The following MBNL2 variants were observed in gnomAD, a reference collection of about 807,000 sequenced individuals.
MBNL2 encodes muscleblind like splicing regulator 2.
MBNL2 carries 17 observed loss-of-function variants against 41.9 expected under a neutral mutation model. The observed-to-expected ratio is 0.41, with a 90% CI of 0.28 to 0.61. The LOEUF is 0.61. MBNL2 is among the 20% of genes least tolerant of loss of function. The pLI is 0.35. For missense variants in MBNL2, 336 were observed against 505.6 expected (o/e 0.66, Z 3.22); for synonymous variants, 195 against 182.9 (o/e 1.07, Z -0.53).
chr13:97,315,894 C>T (rs749848037), intron 2 of MBNL2, among the ~76,000 whole-genome samples: 4 of 152,140 alleles, frequency 2.6e-5, no homozygotes, highest in Non-Finnish European at 2.9e-5. Context: ...CAGTTGGATG[C>T]GATTCAGGAA....
At chr13:97,239,431 T>G (rs2043867488) in intron 1 of MBNL2, among the ~76,000 whole-genome samples, 1 of 152,230 alleles carries the variant, frequency 6.6e-6, no homozygotes, top group Non-Finnish European at 1.5e-5. Context: ...GAGGCAGGCA[T>G]TTCTCTAGAT....
At chr13:97,342,966 A>T (rs748369270) in intron 3 of MBNL2, 50 bp from the exon 4 acceptor site, 3 of 1,209,768 alleles carry the variant, frequency 2.5e-6, no homozygotes, top group South Asian at 1.2e-5. Context: ...GTAATTTTTT[A>T]AAGTTTTATT....
At chr13:97,373,408 GAGAGT>G (rs1187415862) in intron 8 of MBNL2, among the ~76,000 whole-genome samples, 3 of 151,804 alleles carry the variant, frequency 2.0e-5, no homozygotes, top group Non-Finnish European at 4.4e-5. Flanking sequence ...GAGAGAGAGA[GAGAGT>G]AGAGAGAGAG....
intron 8 of MBNL2, among the ~76,000 whole-genome samples, chr13:97,370,522 A>G (rs2064260468): frequency 6.6e-6 from 1 of 152,050 alleles, no homozygotes; most frequent in African/African-American, 2.4e-5. Context: ...ATACAAAATT[A>G]GCCAGGCATG....
At chr13:97,174,289 T>A in the MBNL2 span, among the ~76,000 whole-genome samples, 1 of 152,224 alleles carries the variant, frequency 6.6e-6, no homozygotes, top group African/African-American at 2.4e-5. Flanking sequence ...TTTCAGTACC[T>A]GATTTCTTCT....
In MBNL2 at chr13:97,366,382, C is replaced by A; in HGVS notation, c.1048+1211C>A. 1.4e-6 allele frequency: 1 copy of A among 733,120 alleles called. No individual in the cohort carries two copies. The highest frequency in any genetic ancestry group is 2.4e-6 in the Non-Finnish European group (1 of 411,512). 45.4% of individuals were successfully genotyped at this position (733,120 alleles called of 1,614,324 possible). ...TGATGGCTTGCTGCTCTGATATTCA[C>A]CATGCCAAAATACCACTTCTATTAC... On this transcript the variant is annotated intron_variant, in intron 8 of 8. Coordinates refer to ENST00000679496, the MANE Select transcript of MBNL2 (RefSeq NM_001382683.1). The surrounding 1 kb of genome is among the most constrained non-coding windows in gnomAD (Gnocchi z 4.7).
intron 3 of MBNL2, among the ~76,000 whole-genome samples, chr13:97,335,499 G>C (rs2060803335): frequency 6.6e-6 from 1 of 152,136 alleles, no homozygotes; most frequent in Non-Finnish European, 1.5e-5. Flanking sequence ...GCCCAAAGGA[G>C]AGTAGAGAAT....
chr13:97,223,911 G>A (rs1454631283), intron 1 of MBNL2, among the ~76,000 whole-genome samples: 1 of 152,142 alleles, frequency 6.6e-6, no homozygotes, highest in Non-Finnish European at 1.5e-5. Context: ...TCCTTTATTC[G>A]AGCTTGTGGA....
the MBNL2 span, among the ~76,000 whole-genome samples, chr13:97,200,159 A>G: frequency 6.6e-6 from 1 of 152,170 alleles, no homozygotes; most frequent in South Asian, 2.1e-4. Flanking sequence ...CTTGCTGGAG[A>G]TGCTGGTACC....
At chr13:97,326,524 CAGAA>C (rs764537565) in intron 2 of MBNL2, among the ~76,000 whole-genome samples, 1 of 152,136 alleles carries the variant, frequency 6.6e-6, no homozygotes, top group African/African-American at 2.4e-5. Flanking sequence ...AAATAATAAA[CAGAA>C]AGAGCTTATT....
chr13:97,213,099 T>A, the MBNL2 span, among the ~76,000 whole-genome samples: 2 of 152,290 alleles, frequency 1.3e-5, no homozygotes, highest in Admixed American at 1.3e-4. Flanking sequence ...AAAGTAGCAT[T>A]GAGGTGTGCT....
the MBNL2 span, among the ~76,000 whole-genome samples, chr13:97,213,960 C>A: frequency 6.6e-6 from 1 of 152,316 alleles, no homozygotes; most frequent in Non-Finnish European, 1.5e-5. Flanking sequence ...TTGGAGATGA[C>A]AATGTCTTCA....
the MBNL2 span, among the ~76,000 whole-genome samples, chr13:97,169,036 G>A: frequency 4.6e-5 from 7 of 152,104 alleles, no homozygotes; most frequent in Middle Eastern, 3.2e-3. Context: ...GGCAAAGGTC[G>A]TCTACTCCCC....
intron 2 of MBNL2, among the ~76,000 whole-genome samples, chr13:97,303,409 G>A (rs2057828222): frequency 6.6e-6 from 1 of 152,148 alleles, no homozygotes; most frequent in African/African-American, 2.4e-5. Context: ...GCAAAATCAT[G>A]GAGAAGGGAC....
chr13:97,330,179 C>T (rs1480472165), intron 2 of MBNL2, among the ~76,000 whole-genome samples: 2 of 152,306 alleles, frequency 1.3e-5, no homozygotes, highest in South Asian at 4.1e-4. Context: ...TGAATGAGAT[C>T]GTAGCCTGGA....
rs377603802 is a variant in MBNL2 at position 97,339,285 on chromosome 13, T to G, written c.340-3731T>G. 1.1e-4 allele frequency among the ~76,000 whole-genome samples: 17 copies of G among 152,244 alleles called. No homozygotes were observed. In the South Asian group the frequency reaches 3.5e-3, roughly 32 times the overall value. ...AGTGTGTTGTGTGTGTGAGTGTGTG[T>G]GGGTGTGTTTGTCATCTTTGAACCT... On this transcript the variant is annotated intron_variant, in intron 3 of 8. Coordinates refer to ENST00000679496, the MANE Select transcript of MBNL2 (RefSeq NM_001382683.1).
intron 2 of MBNL2, among the ~76,000 whole-genome samples, chr13:97,327,789 C>G (rs1163285700): frequency 1.3e-5 from 2 of 151,946 alleles, no homozygotes; most frequent in Non-Finnish European, 2.9e-5. Flanking sequence ...ATGAGAATAG[C>G]AAAGGTTTAA....
the MBNL2 span, among the ~76,000 whole-genome samples, chr13:97,164,837 C>A: frequency 6.6e-6 from 1 of 152,132 alleles, no homozygotes; most frequent in African/African-American, 2.4e-5. Flanking sequence ...GGCTCCTTGG[C>A]CACATATGAA....
the MBNL2 span, among the ~76,000 whole-genome samples, chr13:97,169,633 G>A: frequency 3.9e-5 from 6 of 152,156 alleles, no homozygotes; most frequent in Non-Finnish European, 5.9e-5. Flanking sequence ...ATAGTCTTTC[G>A]CATTTGAAGA....
Sources: allele counts gnomAD v4.1 joint callset (sites outside exome capture counted in the v4.1 genomes callset), GRCh38; gene constraint gnomAD v4.1.1; non-coding constraint Gnocchi (gnomAD v3.1); transcripts MANE v1.5; gene names NCBI Gene and HGNC (gene_info 2026-07-23, HGNC 2026-07-21).